Variants in HEATR4 observed in about 807,000 individuals in gnomAD.
HEATR4 encodes the protein HEAT repeat containing 4, also known as HEAT repeat-containing protein 4.
HEATR4 carries 95 observed loss-of-function variants against 108.8 expected under a neutral mutation model. The ratio of observed to expected loss-of-function variants is 0.87; its 90% CI spans 0.74 to 1.04. The LOEUF is 1.04. Among genes scored for constraint, HEATR4 ranks in the 50% least tolerant of loss-of-function variants. The pLI, the probability that HEATR4 is intolerant of heterozygous loss-of-function variation, is 0.00. For synonymous variants in HEATR4, 443 were observed against 459.4 expected, an observed-to-expected ratio of 0.96 and a Z score of 0.46; for missense variants, 1,152 against 1,253.8, an observed-to-expected ratio of 0.92 and a Z score of 1.23.
At position 73,492,083 on chromosome 14, in the gene HEATR4, C is replaced by G; in HGVS notation, c.2844+983G>C. ...CGTGCTGCAGCTGGAAGGTAGGAAA[C>G]TCTGGCGTGTATACCGACCCCGAGT... On this transcript the variant is annotated intron_variant, in intron 17 of 17. Coordinates refer to ENST00000553558, the MANE Select transcript of HEATR4 (RefSeq NM_001220484.1). This position sits in a 1 kb window ranked among gnomAD's most constrained non-coding sequence, Gnocchi z 4.9. 6.2e-7 allele frequency: 1 copy of G among 1,613,960 alleles called. No homozygotes were observed. Among genetic ancestry groups the G allele is most frequent in the Middle Eastern group, 1.6e-4 (1 of 6,062 alleles).
At chr14:73,619,650 TCACTGTATTGACC>T in the HEATR4 span, 1 of 1,614,180 alleles carries the variant, frequency 6.2e-7, no homozygotes, top group Admixed American at 1.7e-5. Flanking sequence ...CAGAAACTGG[TCACTGTATTGACC>T]CACCTTATTT....
At chr14:73,503,985 G>T (rs1241064310) in intron 10 of HEATR4, among the ~76,000 whole-genome samples, 1 of 152,112 alleles carries the variant, frequency 6.6e-6, no homozygotes, top group South Asian at 2.1e-4. Context: ...TGCCAAGGAG[G>T]TGAAGGTACA....
At chr14:73,615,388 TAA>T in the HEATR4 span, among the ~76,000 whole-genome samples, 2 of 63,330 alleles carry the variant, frequency 3.2e-5, no homozygotes, top group Non-Finnish European at 5.3e-5. Flanking sequence ...CTCTGTCTGA[TAA>T]AAAAAAAAAA....
the HEATR4 span, among the ~76,000 whole-genome samples, chr14:73,567,322 C>T: frequency 1.3e-5 from 2 of 152,060 alleles, no homozygotes; most frequent in South Asian, 4.2e-4. Flanking sequence ...AAGTATTAAC[C>T]ATTAGCTACT....
chr14:73,529,067 C>T (rs1349913573), intron 2 of HEATR4: 1 of 151,994 alleles, frequency 6.6e-6, no homozygotes, highest in African/African-American at 2.4e-5. Flanking sequence ...AAAATTAAGT[C>T]AATCGGCCAG....
intron 2 of HEATR4, among the ~76,000 whole-genome samples, chr14:73,524,293 C>CAAAAAAAAA (rs1160344592): frequency 1.4e-4 from 8 of 56,654 alleles, no homozygotes; most frequent in Non-Finnish European, 1.8e-4. Context: ...AACTCCGTCT[C>CAAAAAAAAA]AAAAAAAAAA....
At chr14:73,527,064 A>T (rs537336621) in intron 2 of HEATR4, among the ~76,000 whole-genome samples, 1 of 152,304 alleles carries the variant, frequency 6.6e-6, no homozygotes, top group East Asian at 1.9e-4. Context: ...AGTTGGCAAC[A>T]GTTGCAGGGG....
At chr14:73,591,971 G>C in the HEATR4 span, 1 of 1,394,628 alleles carries the variant, frequency 7.2e-7, no homozygotes, top group Non-Finnish European at 9.3e-7. Context: ...TGTCAGCAAC[G>C]CTGATCCTGG....
intron 17 of HEATR4, among the ~76,000 whole-genome samples, chr14:73,483,010 A>C (rs1885313889): frequency 1.3e-5 from 2 of 152,204 alleles, no homozygotes; most frequent in South Asian, 4.1e-4. Flanking sequence ...TTAGGAAGTA[A>C]GGGGATCTAG....
the HEATR4 span, among the ~76,000 whole-genome samples, chr14:73,589,233 C>T: frequency 8.5e-3 from 1,299 of 152,232 alleles, 6 homozygotes; most frequent in Non-Finnish European, 0.014. Flanking sequence ...AACTATTCAT[C>T]CCTCCCTCCC....
At chr14:73,517,915 G>A (rs969673978) in intron 5 of HEATR4, among the ~76,000 whole-genome samples, 48 of 151,974 alleles carry the variant, frequency 3.2e-4, no homozygotes, top group Admixed American at 2.6e-3. Flanking sequence ...GGTGAACCCC[G>A]TCTCTACTAA....
At chr14:73,509,216 T>G in intron 8 of HEATR4, 96 bp downstream of exon 8, 1 of 1,204,368 alleles carries the variant, frequency 8.3e-7, no homozygotes, top group Non-Finnish European at 1.2e-6. Context: ...CAGCAGACAT[T>G]GCAGAGCATC....
the HEATR4 span, among the ~76,000 whole-genome samples, chr14:73,610,088 C>CT: frequency 2.6e-5 from 4 of 151,850 alleles, no homozygotes; most frequent in Non-Finnish European, 4.4e-5. Flanking sequence ...AGCAGGCCTA[C>CT]TGGTTGCAGT....
the HEATR4 span, among the ~76,000 whole-genome samples, chr14:73,576,325 C>G: frequency 2.6e-5 from 4 of 151,864 alleles, no homozygotes; most frequent in African/African-American, 4.8e-5. Flanking sequence ...TAAAAATTTT[C>G]AAAACCAATA....
rs1311745415 is a variant in HEATR4, at chr14:73,509,850, A to ATT, written c.1559-378_1559-377insAA. Among the ~76,000 whole-genome samples, 13 of 62,514 alleles carry ATT rather than the reference A, an allele frequency of 2.1e-4. 1 individual carries two copies. Among genetic ancestry groups the ATT allele is most frequent in the African/African-American group, 9.5e-4 (13 of 13,660 alleles). The allele number at this position is 62,514 out of a possible 152,430, so 41.0% of individuals were successfully genotyped here. A position where few individuals can be genotyped will look rare whatever the true frequency, so the allele number is the denominator to read the frequency against. ...TATATATATATATATATATATATAT[A>ATT]TATATATATATATATATATTTATTT... On this transcript the variant is annotated intron_variant, in intron 7 of 17. Coordinates refer to ENST00000553558, the MANE Select transcript of HEATR4 (RefSeq NM_001220484.1).
rs370357833 is a variant in HEATR4, at chr14:73,492,712, G to T, written c.2844+354C>A. The T allele has an allele frequency of 8.5e-5, 137 of 1,613,828 alleles. No individual in the cohort carries two copies. Among genetic ancestry groups the T allele is most frequent in the Non-Finnish European group, 1.1e-4 (134 of 1,179,896 alleles). ...GGCTGGTGGGTGAGGGGGGCCATTT[G>T]TTTCTCTATTACACAGTGGAAAACT... On this transcript the variant is annotated intron_variant, in intron 17 of 17. Coordinates refer to ENST00000553558, the MANE Select transcript of HEATR4 (RefSeq NM_001220484.1). This position sits in a 1 kb window ranked among gnomAD's most constrained non-coding sequence, Gnocchi z 4.9.
At position 73,538,021 on chromosome 14, in the gene HEATR4, C is replaced by T; in HGVS notation, c.-151-7777G>A. On this transcript the variant is annotated intron_variant, in intron 1 of 17. Coordinates refer to ENST00000553558, the MANE Select transcript of HEATR4 (RefSeq NM_001220484.1). ...TCCTCCCGCCCCACCACCACCACCC[C>T]GGGCTATGTTGCCCAGGTAGGTCTT... 9.2e-6 allele frequency: 7 copies of T among 765,020 alleles called. 1 individual carries two copies. The highest frequency in any genetic ancestry group is 1.1e-5 in the Non-Finnish European group (6 of 567,814). 47.4% of individuals were successfully genotyped at this position (765,020 alleles called of 1,614,324 possible).
chr14:73,622,984 A>ACTGCAACATCCGCCTCC, the HEATR4 span, among the ~76,000 whole-genome samples: 3 of 151,978 alleles, frequency 2.0e-5, no homozygotes, highest in African/African-American at 7.2e-5. Context: ...ACTTCGGCTC[A>ACTGCAACATCCGCCTCC]CTGCAACATC....
rs768609673 is a variant in HEATR4, at chr14:73,509,328, C to G, written c.1704G>C (p.Gln568His). 8.7e-6 allele frequency: 14 copies of G among 1,614,080 alleles called. No homozygotes were observed. The highest frequency in any genetic ancestry group is 1.0e-5 in the Non-Finnish European group (12 of 1,179,988). Residue 568 changes from glutamine (Q) to histidine (H), a missense_variant, in exon 8 of 18, where the codon CAG becomes CAC. Coordinates refer to ENST00000553558, the MANE Select transcript of HEATR4 (RefSeq NM_001220484.1). ...GTTACTCACCCTTCAGAAGGGCAGTCTGCATGATGTTCCGGGCAAGGGGAT... is the reference window on the plus strand; with the variant it reads ...GTTACTCACCCTTCAGAAGGGCAGTGTGCATGATGTTCCGGGCAAGGGGAT... Reference protein sequence around the residue: ...SHNPLARNIMQTALLKGNSVD... With the variant: ...SHNPLARNIMHTALLKGNSVD...
Sources: gnomAD v4.1 joint callset for allele counts (sites outside exome capture counted in the v4.1 genomes callset) on GRCh38, gnomAD v4.1.1 for gene constraint, Gnocchi (gnomAD v3.1) non-coding constraint, MANE v1.5 for transcripts, NCBI Gene and HGNC (gene_info 2026-07-23, HGNC 2026-07-21) for gene names.